AHI1: variants seen among roughly 807,000 people sequenced by gnomAD.
AHI1 encodes jouberin.
A neutral mutation model predicts 149.3 loss-of-function variants in AHI1; 123 were observed. That is an observed-to-expected ratio of 0.82 (90% confidence interval 0.71 to 0.96). The LOEUF is 0.96. Ranked by LOEUF, AHI1 falls within the 40% of genes least tolerant of loss-of-function variation. AHI1 has a pLI of 0.00. For missense variants in AHI1, 1,439 were observed against 1,422.7 expected (o/e 1.01, Z -0.18); for synonymous variants, 475 against 459.8 (o/e 1.03, Z -0.42).
chr6:135,327,688 C>T (rs1047089070), intron 24 of AHI1, among the ~76,000 whole-genome samples: 2 of 152,118 alleles, frequency 1.3e-5, no homozygotes, highest in Non-Finnish European at 2.9e-5. Flanking sequence ...CTAATCACCA[C>T]CCCCTACCTT....
intron 8 of AHI1, among the ~76,000 whole-genome samples, chr6:135,460,055 T>C (rs1252337556): frequency 6.6e-6 from 1 of 152,012 alleles, no homozygotes; most frequent in Non-Finnish European, 1.5e-5. Context: ...TGGTGGTGCA[T>C]GCCTGTAGTC....
chr6:135,355,582 A>C (rs1223324020), intron 24 of AHI1, among the ~76,000 whole-genome samples: 2 of 152,106 alleles, frequency 1.3e-5, no homozygotes, highest in Admixed American at 1.3e-4. Context: ...TGAAAACTTC[A>C]CTTAGAATTC....
At chr6:135,340,669 A>ATATATATG (rs1554283238) in intron 24 of AHI1, among the ~76,000 whole-genome samples, 1,269 of 119,168 alleles carry the variant, frequency 0.011, 31 homozygotes, top group East Asian at 0.027. Flanking sequence ...ATATATATAT[A>ATATATATG]TATATATATA....
intron 23 of AHI1, among the ~76,000 whole-genome samples, chr6:135,370,068 T>G (rs574918756): frequency 6.6e-6 from 1 of 152,370 alleles, no homozygotes; most frequent in Admixed American, 6.5e-5. Flanking sequence ...CTATTTCTGC[T>G]AATTCACATG....
rs767839775 is a variant in AHI1, at chr6:135,466,253, T to C, written c.310A>G (p.Thr104Ala). The C allele has an allele frequency of 1.9e-6, 3 of 1,614,008 alleles. No individual in the cohort carries two copies. The Admixed American group carries it at 5.0e-5, about 27-fold the overall frequency. The change falls in exon 7 of 29, where the codon ACA (threonine) becomes GCA (alanine). Residue 104 changes from threonine (T) to alanine (A), a missense_variant. By Grantham distance (58) the Thr-to-Ala change is moderately conservative. Coordinates refer to ENST00000265602, the MANE Select transcript of AHI1 (RefSeq NM_001134831.2). ...TRVTKNKLRN[T>A]QLATENPNGD... ...TTAGGATTTTCAGTTGCTAACTGTG[T>C]GTTCCTCAATTTGTTTTTAGTGACT...
At chr6:135,490,156 T>C (rs762954441) in intron 5 of AHI1, 42 of 718,888 alleles carry the variant, frequency 5.8e-5, no homozygotes, top group Non-Finnish European at 1.1e-4. Context: ...CCAAAGATTC[T>C]ATCATTTGAA....
At chr6:135,372,146 C>T (rs1393543508) in intron 23 of AHI1, among the ~76,000 whole-genome samples, 1 of 152,208 alleles carries the variant, frequency 6.6e-6, no homozygotes, top group African/African-American at 2.4e-5. Context: ...GAGAGCCTTA[C>T]TCCTGTGCCC....
At chr6:135,313,541 A>G (rs1325773798) in intron 26 of AHI1, among the ~76,000 whole-genome samples, 2 of 152,226 alleles carry the variant, frequency 1.3e-5, no homozygotes, top group South Asian at 2.1e-4. Context: ...TGACGATGGT[A>G]TCTGAAGAAC....
At chr6:135,464,968 C>A (rs1303103897) in intron 7 of AHI1, among the ~76,000 whole-genome samples, 1 of 152,180 alleles carries the variant, frequency 6.6e-6, no homozygotes, top group Non-Finnish European at 1.5e-5. Flanking sequence ...ATTCTGGGAT[C>A]ATCTTTTTAA....
chr6:135,402,552 A>T (rs1780166659), intron 22 of AHI1, among the ~76,000 whole-genome samples: 1 of 151,662 alleles, frequency 6.6e-6, no homozygotes, highest in African/African-American at 2.4e-5. Flanking sequence ...CTATAGGTGG[A>T]TTTTTTTTCA....
intron 26 of AHI1, chr6:135,301,776 T>C: frequency 5.1e-6 from 5 of 985,458 alleles, no homozygotes; most frequent in Non-Finnish European, 4.8e-6. Context: ...GGAATTGCTC[T>C]GACTCAGTTA....
chr6:135,463,358 T>C, intron 7 of AHI1, 52 bp from the exon 8 acceptor site: 1 of 1,404,316 alleles, frequency 7.1e-7, no homozygotes, highest in Non-Finnish European at 9.6e-7. Flanking sequence ...TCATTATAAT[T>C]ATTATTCATG....
At chr6:135,319,211 G>A (rs953816567) in intron 25 of AHI1, among the ~76,000 whole-genome samples, 8 of 152,284 alleles carry the variant, frequency 5.3e-5, no homozygotes, top group South Asian at 2.1e-4. Context: ...GGGGCAGGGC[G>A]CGGTGGCTCA....
chr6:135,442,462 T>C, intron 14 of AHI1, 120 bp downstream of exon 14: 1 of 1,083,846 alleles, frequency 9.2e-7, no homozygotes, highest in South Asian at 3.3e-5. Context: ...AGAAATCCGT[T>C]TTCTTTAATT....
chr6:135,390,682 C>T (rs754647842), intron 23 of AHI1, among the ~76,000 whole-genome samples: 1 of 152,094 alleles, frequency 6.6e-6, no homozygotes, highest in Non-Finnish European at 1.5e-5. Flanking sequence ...ACATGTCAGC[C>T]TCTCTGATTC....
At chr6:135,309,913 T>C (rs900604217) in intron 26 of AHI1, among the ~76,000 whole-genome samples, 1 of 152,160 alleles carries the variant, frequency 6.6e-6, no homozygotes, top group African/African-American at 2.4e-5. Flanking sequence ...TTACAAAAAG[T>C]TTAAAGCAAA....
At chr6:135,361,684 CACACACACACGT>C (rs1459169106) in intron 23 of AHI1, among the ~76,000 whole-genome samples, 18 of 148,070 alleles carry the variant, frequency 1.2e-4, no homozygotes, top group African/African-American at 4.4e-4. Flanking sequence ...CACACACACA[CACACACACACGT>C]GTGTATATTT....
intron 5 of AHI1, among the ~76,000 whole-genome samples, chr6:135,479,563 G>A: frequency 6.6e-6 from 1 of 152,184 alleles, no homozygotes; most frequent in Non-Finnish European, 1.5e-5. Context: ...TCCCCACATT[G>A]TATCTTGGAA....
chr6:135,315,361 G>A (rs1459592418), intron 26 of AHI1, among the ~76,000 whole-genome samples: 2 of 152,026 alleles, frequency 1.3e-5, no homozygotes, highest in Admixed American at 6.6e-5. Context: ...CTCCTTTTCC[G>A]TGTGATGCTA....
Sources: gnomAD v4.1 joint callset for allele counts (sites outside exome capture counted in the v4.1 genomes callset) on GRCh38, gnomAD v4.1.1 for gene constraint, MANE v1.5 for transcripts, NCBI Gene and HGNC (gene_info 2026-07-23, HGNC 2026-07-21) for gene names.